Variants in PDE7B observed in about 807,000 individuals in gnomAD.
PDE7B encodes the protein 3',5'-cyclic-AMP phosphodiesterase 7B.
PDE7B carries 29 observed loss-of-function variants against 56.2 expected under a neutral mutation model. That is an observed-to-expected ratio of 0.52 (90% CI 0.38 to 0.70). The LOEUF is 0.70. Ranked by LOEUF, PDE7B falls within the 30% of genes least tolerant of loss-of-function variation. PDE7B has a pLI of 0.00. For synonymous variants in PDE7B, 197 were observed against 196.9 expected (o/e 1.00, Z 0.00); for missense variants, 490 against 565.0 (o/e 0.87, Z 1.35).
At chr6:135,873,728 C>T (rs1399395511) in intron 1 of PDE7B, among the ~76,000 whole-genome samples, 1 of 151,910 alleles carries the variant, frequency 6.6e-6, no homozygotes, top group Non-Finnish European at 1.5e-5. Flanking sequence ...TCAATATAAA[C>T]TTTGGTTTAT....
Position 135,991,393 on chromosome 6 carries a change from T to G in PDE7B, c.82+43869T>G, listed in dbSNP as rs1283415853. 2.7e-5 allele frequency among the ~76,000 whole-genome samples: 4 copies of G among 147,404 alleles called. No homozygotes were observed. In the East Asian group the frequency reaches 8.0e-4, roughly 29 times the overall value. On this transcript the variant is annotated intron_variant, in intron 2 of 12. Transcript: ENST00000308191. ...TAATACATATTTCAGAACATCACGT[T>G]GTACACCACAAATGTATACAATTTT... is the stretch of plus-strand genomic sequence containing the variant.
At chr6:135,934,796 A>AATAT (rs1258628656) in intron 1 of PDE7B, among the ~76,000 whole-genome samples, 3 of 119,650 alleles carry the variant, frequency 2.5e-5, no homozygotes, top group Middle Eastern at 3.8e-3. Flanking sequence ...ATATATTTTA[A>AATAT]ATATATATAT....
chr6:136,181,834 CA>C (rs1779072144), intron 11 of PDE7B, among the ~76,000 whole-genome samples: 1 of 151,710 alleles, frequency 6.6e-6, no homozygotes, highest in Non-Finnish European at 1.5e-5. Context: ...ATAGTTTCAA[CA>C]GTGAGGTAGA....
At chr6:135,878,444 C>T (rs1775542261) in intron 1 of PDE7B, among the ~76,000 whole-genome samples, 1 of 152,120 alleles carries the variant, frequency 6.6e-6, no homozygotes. Context: ...ACTTTGACAA[C>T]TTTTCCATAA....
chr6:136,016,201 A>G (rs933060985), intron 2 of PDE7B, among the ~76,000 whole-genome samples: 10 of 152,176 alleles, frequency 6.6e-5, no homozygotes, highest in African/African-American at 2.2e-4. Flanking sequence ...CATCTGTGCA[A>G]TAAGGATAAT....
chr6:136,147,767 G>A (rs1778441367), intron 4 of PDE7B, among the ~76,000 whole-genome samples: 1 of 152,196 alleles, frequency 6.6e-6, no homozygotes, highest in South Asian at 2.1e-4. Context: ...TTTTATAAAG[G>A]TACAAAACAT....
chr6:136,190,067 T>C (rs3799395), intron 12 of PDE7B, among the ~76,000 whole-genome samples: 10,213 of 152,224 alleles, frequency 0.067, 867 homozygotes, highest in African/African-American at 0.19. Context: ...ATATTCACAC[T>C]TTGAACTTCA....
chr6:136,105,103 TTAAAAG>T (rs1302042564), intron 2 of PDE7B, among the ~76,000 whole-genome samples: 2 of 152,256 alleles, frequency 1.3e-5, no homozygotes, highest in Non-Finnish European at 2.9e-5. Flanking sequence ...GCTTTCTTAC[TTAAAAG>T]TAATAGATTC....
At chr6:135,910,841 C>T (rs1405648838) in intron 1 of PDE7B, among the ~76,000 whole-genome samples, 13 of 152,122 alleles carry the variant, frequency 8.5e-5, no homozygotes, top group Non-Finnish European at 1.0e-4. Context: ...TATCTCGACA[C>T]AGCCAAGGAG....
At chr6:135,993,904 G>T (rs149181886) in intron 2 of PDE7B, among the ~76,000 whole-genome samples, 1 of 152,036 alleles carries the variant, frequency 6.6e-6, no homozygotes, top group East Asian at 1.9e-4. Flanking sequence ...TAAAAACTCG[G>T]GTCTATCCAA....
chr6:135,977,910 G>T (rs1391615689), intron 2 of PDE7B, among the ~76,000 whole-genome samples: 1 of 152,062 alleles, frequency 6.6e-6, no homozygotes, highest in Non-Finnish European at 1.5e-5. Flanking sequence ...CCAACAGATT[G>T]AGAACAATAC....
chr6:136,008,088 G>GT (rs1462602165), intron 2 of PDE7B, among the ~76,000 whole-genome samples: 29 of 151,578 alleles, frequency 1.9e-4, no homozygotes, highest in Admixed American at 3.9e-4. Context: ...GCAGTGTTTG[G>GT]TTTTTTGTCG....
At chr6:135,901,729 A>G (rs1776004061) in intron 1 of PDE7B, among the ~76,000 whole-genome samples, 1 of 152,176 alleles carries the variant, frequency 6.6e-6, no homozygotes, top group African/African-American at 2.4e-5. Flanking sequence ...CCAGCGCACT[A>G]TGCTTATTTA....
At chr6:136,176,074 T>G (rs1015312289) in intron 9 of PDE7B, among the ~76,000 whole-genome samples, 2 of 152,116 alleles carry the variant, frequency 1.3e-5, no homozygotes, top group Non-Finnish European at 2.9e-5. Flanking sequence ...GTATATTTGC[T>G]GATCATTGCT....
At chr6:136,150,505 T>A (rs895109573) in intron 5 of PDE7B, among the ~76,000 whole-genome samples, 2 of 152,220 alleles carry the variant, frequency 1.3e-5, no homozygotes, top group African/African-American at 4.8e-5. Flanking sequence ...TTGTCAAACA[T>A]TAGTTGGCTG....
At chr6:136,187,551 A>AGCT (rs1427541980) in intron 12 of PDE7B, among the ~76,000 whole-genome samples, 1 of 152,004 alleles carries the variant, frequency 6.6e-6, no homozygotes, top group Admixed American at 6.5e-5. Context: ...CTAGGCCTAG[A>AGCT]GCTTGTGAGC....
chr6:136,081,042 A>AGGTT lies in PDE7B; in HGVS notation c.83-27686_83-27683dup, dbSNP rs984299635. 1.1e-3 allele frequency among the ~76,000 whole-genome samples: 167 copies of AGGTT among 152,334 alleles called. 2 individuals carry two copies. The highest frequency in any genetic ancestry group is 4.1e-4 in the Non-Finnish European group (28 of 68,028). On this transcript the variant is annotated intron_variant, in intron 2 of 12. Coordinates refer to ENST00000308191, the MANE Select transcript of PDE7B (RefSeq NM_018945.4). The stretch of plus-strand genomic sequence containing the variant: ...TTGTGGAGGGACAAACAAATCAATG[A>AGGTT]GGTTGGCACAGCATAGTGGCAAGAA...
At chr6:136,151,628 G>A (rs1009155587) in intron 6 of PDE7B, among the ~76,000 whole-genome samples, 6 of 137,408 alleles carry the variant, frequency 4.4e-5, no homozygotes, top group Admixed American at 1.5e-4. Flanking sequence ...ATTATGTATT[G>A]TATTCTTATA....
chr6:135,882,578 G>C (rs953928657), intron 1 of PDE7B, among the ~76,000 whole-genome samples: 2 of 152,234 alleles, frequency 1.3e-5, no homozygotes, highest in Admixed American at 6.5e-5. Flanking sequence ...AGACTGAACA[G>C]ATGGATTACA....
Sources: allele counts gnomAD v4.1 joint callset (sites outside exome capture counted in the v4.1 genomes callset), GRCh38; gene constraint gnomAD v4.1.1; transcripts MANE v1.5; gene names NCBI Gene and HGNC (gene_info 2026-07-23, HGNC 2026-07-21).